RANBP2: variants seen among roughly 807,000 people sequenced by gnomAD.
RANBP2 encodes RAN binding protein 2.
In RANBP2, 57 loss-of-function variants were observed where a neutral mutation model predicts 303.6. The ratio of observed to expected loss-of-function variants is 0.19; its 90% CI spans 0.15 to 0.23. RANBP2 has a LOEUF of 0.23. RANBP2 is among the 10% of genes least tolerant of loss of function. The pLI is 1.00. For missense variants in RANBP2, 3,138 were observed against 3,780.8 expected, an observed-to-expected ratio of 0.83 and a Z score of 4.46; for synonymous variants, 1,167 against 1,301.5, an observed-to-expected ratio of 0.90 and a Z score of 2.23.
At position 108,783,866 on chromosome 2, in the gene RANBP2, C is replaced by T. The variant is rs1308325667; in HGVS notation, c.9640C>T (p.Arg3214Ter). The change falls in exon 29 of 29, where the codon CGA becomes TGA. Residue 3214 changes from arginine to a stop codon, truncating the protein, a stop_gained. Coordinates refer to ENST00000283195, the MANE Select transcript of RANBP2 (RefSeq NM_006267.5). LOFTEE classifies it high-confidence loss of function. ...SFGSPKGSVC[R>*]RITITECGQI ...TGGTTCTCCCAAAGGGTCTGTTTGT[C>T]GAAGAATAACTATCACAGAATGTGG... The T allele has an allele frequency of 1.2e-6, 2 of 1,612,736 alleles. No homozygotes were observed. Among genetic ancestry groups the T allele is most frequent in the Non-Finnish European group, 1.7e-6 (2 of 1,179,036 alleles).
the RANBP2 span, among the ~76,000 whole-genome samples, chr2:109,112,698 A>T: frequency 6.6e-6 from 1 of 152,120 alleles, no homozygotes; most frequent in Admixed American, 6.6e-5. Flanking sequence ...TTGGACATGA[A>T]GTCCTTGCCC....
At chr2:109,142,063 T>C in the RANBP2 span, among the ~76,000 whole-genome samples, 2 of 150,928 alleles carry the variant, frequency 1.3e-5, no homozygotes. Context: ...GTCTCAGGTA[T>C]GTGCCTAGAA....
At chr2:109,469,754 A>G in the RANBP2 span, among the ~76,000 whole-genome samples, 2 of 152,264 alleles carry the variant, frequency 1.3e-5, no homozygotes, top group Admixed American at 6.5e-5. Flanking sequence ...TTGCTGAACA[A>G]AAGAACCCCC....
the RANBP2 span, among the ~76,000 whole-genome samples, chr2:109,022,210 G>A: frequency 1.3e-5 from 2 of 152,226 alleles, no homozygotes; most frequent in Admixed American, 6.5e-5. Context: ...CCAGGCATGC[G>A]AAGTGGGGTG....
At chr2:109,217,664 T>G in the RANBP2 span, among the ~76,000 whole-genome samples, 1 of 152,184 alleles carries the variant, frequency 6.6e-6, no homozygotes, top group Non-Finnish European at 1.5e-5. Flanking sequence ...ATGAGGAAGC[T>G]CTCTCACCGG....
the RANBP2 span, among the ~76,000 whole-genome samples, chr2:108,986,425 G>C: frequency 6.6e-6 from 1 of 152,092 alleles, no homozygotes; most frequent in Non-Finnish European, 1.5e-5. Context: ...ATAATCCCTG[G>C]TGGCTGTCAT....
the RANBP2 span, among the ~76,000 whole-genome samples, chr2:109,075,052 A>AGG: frequency 1.6e-5 from 1 of 61,260 alleles, no homozygotes; most frequent in African/African-American, 5.3e-5. Context: ...AAAAAAAAGA[A>AGG]GAAGAAGAAA....
chr2:108,931,030 C>T, the RANBP2 span: 2 of 1,613,892 alleles, frequency 1.2e-6, no homozygotes, highest in South Asian at 1.1e-5. Context: ...CCCAAGGGCT[C>T]ACCTGAAAGA....
the RANBP2 span, among the ~76,000 whole-genome samples, chr2:109,423,744 C>T: frequency 3.3e-5 from 5 of 152,178 alleles, no homozygotes; most frequent in African/African-American, 9.7e-5. Flanking sequence ...CATGGTCACC[C>T]CTTCCAGGCA....
chr2:108,849,336 T>G, the RANBP2 span, among the ~76,000 whole-genome samples: 1 of 152,160 alleles, frequency 6.6e-6, no homozygotes, highest in East Asian at 1.9e-4. Flanking sequence ...GTGAAAACTA[T>G]AAACACACAA....
chr2:109,702,489 G>A, the RANBP2 span, among the ~76,000 whole-genome samples: 164 of 152,274 alleles, frequency 1.1e-3, no homozygotes, highest in African/African-American at 3.8e-3. Context: ...AAGGCGTCCT[G>A]CAGCAAGCCA....
At chr2:108,997,600 A>T in the RANBP2 span, among the ~76,000 whole-genome samples, 1 of 151,658 alleles carries the variant, frequency 6.6e-6, no homozygotes, top group African/African-American at 2.4e-5. Flanking sequence ...GTGTTAAGAC[A>T]CTGCTCTGTG....
chr2:109,097,102 G>A, the RANBP2 span, among the ~76,000 whole-genome samples: 1 of 152,030 alleles, frequency 6.6e-6, no homozygotes, highest in Non-Finnish European at 1.5e-5. Flanking sequence ...TCAAGAGATC[G>A]AGACCATCCT....
chr2:109,511,018 C>T, the RANBP2 span, among the ~76,000 whole-genome samples: 1 of 152,220 alleles, frequency 6.6e-6, no homozygotes, highest in African/African-American at 2.4e-5. Context: ...TTTGTCCTCA[C>T]ATCAGGCTTA....
chr2:109,376,399 A>C, the RANBP2 span, among the ~76,000 whole-genome samples: 2 of 152,236 alleles, frequency 1.3e-5, no homozygotes, highest in African/African-American at 4.8e-5. Context: ...GGCGGGACAC[A>C]GGCTGCCTCT....
At chr2:108,772,733 T>C in intron 22 of RANBP2, 135 bp from the exon 23 acceptor site, 1 of 1,213,648 alleles carries the variant, frequency 8.2e-7, no homozygotes, top group Admixed American at 2.4e-5. Context: ...TATTCTTTTC[T>C]GGGTGGTCCT....
the RANBP2 span, among the ~76,000 whole-genome samples, chr2:108,806,762 T>C: frequency 6.6e-6 from 1 of 152,244 alleles, no homozygotes; most frequent in Non-Finnish European, 1.5e-5. Flanking sequence ...TTTCTGTGAC[T>C]GACTTACATA....
chr2:109,195,452 A>G, the RANBP2 span, among the ~76,000 whole-genome samples: 1 of 152,176 alleles, frequency 6.6e-6, no homozygotes, highest in Non-Finnish European at 1.5e-5. Context: ...TCAACTGTCG[A>G]GTGTCCCCAC....
chr2:109,570,995 G>A, the RANBP2 span, among the ~76,000 whole-genome samples: 1 of 152,156 alleles, frequency 6.6e-6, no homozygotes, highest in Non-Finnish European at 1.5e-5. Flanking sequence ...TCTGGTGAGA[G>A]GTGACTGGAT....
Sources: gnomAD v4.1 joint callset for allele counts (sites outside exome capture counted in the v4.1 genomes callset) on GRCh38, gnomAD v4.1.1 for gene constraint, MANE v1.5 for transcripts, NCBI Gene and HGNC (gene_info 2026-07-23, HGNC 2026-07-21) for gene names.